Variants in RALGAPA1 observed in about 807,000 individuals in gnomAD.
RALGAPA1 encodes ral GTPase-activating protein subunit alpha-1.
In RALGAPA1, 52 loss-of-function variants were observed where a neutral mutation model predicts 269.6. The observed-to-expected ratio is 0.19, with a 90% CI of 0.15 to 0.24. The LOEUF is 0.24. Ranked by LOEUF, RALGAPA1 falls within the 10% of genes least tolerant of loss-of-function variation. The probability of loss-of-function intolerance (pLI) is 1.00; values close to 1 mark genes in which losing one functional copy is unlikely to be tolerated. For synonymous variants in RALGAPA1, 817 were observed against 1,008.3 expected, an observed-to-expected ratio of 0.81 and a Z score of 3.60; for missense variants, 1,917 against 3,013.9, an observed-to-expected ratio of 0.64 and a Z score of 8.52.
chr14:35,545,790 A>G (rs780691595), intron 41 of RALGAPA1, among the ~76,000 whole-genome samples: 84 of 152,216 alleles, frequency 5.5e-4, no homozygotes, highest in Admixed American at 3.7e-3. Context: ...ATAAAAAAAG[A>G]TAATATTGAA....
At chr14:35,805,142 G>A (rs903334257) in intron 1 of RALGAPA1, among the ~76,000 whole-genome samples, 5 of 151,288 alleles carry the variant, frequency 3.3e-5, no homozygotes, top group Admixed American at 6.6e-5. Flanking sequence ...AAAAAAAAAA[G>A]GCGGGGCGCC....
chr14:35,606,466 T>G (rs951151303), intron 35 of RALGAPA1, among the ~76,000 whole-genome samples: 3 of 152,190 alleles, frequency 2.0e-5, no homozygotes, highest in Non-Finnish European at 4.4e-5. Flanking sequence ...CTTATGAGAC[T>G]ACTGTCATAT....
chr14:35,615,216 A>G (rs1594821818), intron 35 of RALGAPA1, among the ~76,000 whole-genome samples: 1 of 152,172 alleles, frequency 6.6e-6, no homozygotes, highest in African/African-American at 2.4e-5. Flanking sequence ...TGGAAAACTC[A>G]AAGTGACATC....
intron 16 of RALGAPA1, among the ~76,000 whole-genome samples, chr14:35,717,163 T>A (rs1320555609): frequency 1.3e-5 from 2 of 152,236 alleles, no homozygotes; most frequent in African/African-American, 4.8e-5. Flanking sequence ...TATACCATTT[T>A]TTTTGAGACG....
chr14:35,638,544 C>CAGGA (rs1354687762), intron 31 of RALGAPA1, among the ~76,000 whole-genome samples: 2 of 151,434 alleles, frequency 1.3e-5, no homozygotes, highest in Admixed American at 1.3e-4. Context: ...AAAAGGAAAA[C>CAGGA]AGGAAGGAAG....
At chr14:35,697,355 G>GT (rs869139026) in intron 17 of RALGAPA1, among the ~76,000 whole-genome samples, 127 of 139,628 alleles carry the variant, frequency 9.1e-4, no homozygotes, top group Middle Eastern at 3.6e-3. Context: ...GTTTTGTTTT[G>GT]TTTTTTTTTG....
intron 31 of RALGAPA1, among the ~76,000 whole-genome samples, chr14:35,650,746 G>C (rs1034367961): frequency 1.3e-5 from 2 of 152,098 alleles, no homozygotes; most frequent in African/African-American, 4.8e-5. Flanking sequence ...ATGGTTAAGG[G>C]GAGACCTGGA....
rs2057294677 is a variant in RALGAPA1 at position 35,572,619 on chromosome 14, T to C, written c.7309A>G (p.Ile2437Val). ...TGATTTTTCATTGGATATATTACAA[T>C]AAGGACATCACCAAATTCTGTGGGA... ...IIPTEFGDVLIVIYPMKNHMF... is the reference protein window; with the variant it reads ...IIPTEFGDVLVVIYPMKNHMF... The change falls in exon 38 of 42, where the codon ATT becomes GTT. Residue 2437 changes from isoleucine (I) to valine (V), a missense_variant. Around this residue, in one of 11 missense-constraint regions of RALGAPA1, gnomAD observed 91 missense variants for 130.9 expected, o/e 0.70. Coordinates refer to ENST00000680220, the MANE Select transcript of RALGAPA1 (RefSeq NM_001346249.2). 1 of 1,611,170 alleles carries C rather than the reference T, an allele frequency of 6.2e-7. No homozygotes were observed. The highest frequency in any genetic ancestry group is 8.5e-7 in the Non-Finnish European group (1 of 1,178,502).
intron 26 of RALGAPA1, among the ~76,000 whole-genome samples, chr14:35,666,761 G>A (rs1566956356): frequency 6.6e-6 from 1 of 152,100 alleles, no homozygotes; most frequent in Admixed American, 6.5e-5. Context: ...AAATGGATTA[G>A]TTACATAAAA....
intron 1 of RALGAPA1, among the ~76,000 whole-genome samples, chr14:35,777,388 G>T (rs575895414): frequency 1.1e-4 from 17 of 152,150 alleles, no homozygotes; most frequent in Admixed American, 2.6e-4. Context: ...AAACAACTAG[G>T]CAGCGTTACC....
intron 4 of RALGAPA1, among the ~76,000 whole-genome samples, chr14:35,768,012 C>A (rs1452534543): frequency 1.3e-5 from 2 of 152,080 alleles, no homozygotes; most frequent in Non-Finnish European, 2.9e-5. Context: ...CATGCTCAAG[C>A]GATCCACCTG....
intron 34 of RALGAPA1, among the ~76,000 whole-genome samples, 163 bp downstream of exon 34, chr14:35,626,927 T>C (rs145123599): frequency 1.2e-4 from 18 of 150,208 alleles, no homozygotes; most frequent in Non-Finnish European, 2.7e-4. Context: ...TGAATCCCAA[T>C]ATAACTCAGT....
intron 8 of RALGAPA1, among the ~76,000 whole-genome samples, chr14:35,751,793 A>G (rs2072719219): frequency 7.1e-6 from 1 of 141,134 alleles, no homozygotes; most frequent in Non-Finnish European, 1.6e-5. Flanking sequence ...CTTAAAAAAA[A>G]CAACAACAAC....
At chr14:35,599,642 G>A (rs996688331) in intron 36 of RALGAPA1, among the ~76,000 whole-genome samples, 2 of 152,066 alleles carry the variant, frequency 1.3e-5, no homozygotes, top group Non-Finnish European at 2.9e-5. Flanking sequence ...CAGCTTCGTC[G>A]GGAGGCTGAG....
chr14:35,710,761 T>C (rs1300352713), intron 16 of RALGAPA1, among the ~76,000 whole-genome samples: 1 of 152,226 alleles, frequency 6.6e-6, no homozygotes, highest in African/African-American at 2.4e-5. Flanking sequence ...GGGATTATAA[T>C]ACTTTATTTT....
At chr14:35,754,182 T>G (rs1487612250) in intron 7 of RALGAPA1, among the ~76,000 whole-genome samples, 1 of 152,154 alleles carries the variant, frequency 6.6e-6, no homozygotes, top group Non-Finnish European at 1.5e-5. Context: ...TTTGTGACAT[T>G]TGATTAGGCA....
At chr14:35,684,043 G>C (rs1008003517) in intron 20 of RALGAPA1, 58 bp from the exon 21 acceptor site, 2 of 1,406,920 alleles carry the variant, frequency 1.4e-6, no homozygotes, top group Admixed American at 1.9e-5. Flanking sequence ...AAATATTTAC[G>C]AGAGCTAAAT....
intron 1 of RALGAPA1, among the ~76,000 whole-genome samples, chr14:35,780,990 T>A (rs1027642933): frequency 2.0e-5 from 3 of 151,172 alleles, no homozygotes; most frequent in African/African-American, 7.3e-5. Flanking sequence ...AGCAAACTAA[T>A]CCTAAAGCAC....
At chr14:35,676,005 A>AG (rs1490279931) in intron 22 of RALGAPA1, among the ~76,000 whole-genome samples, 2 of 152,138 alleles carry the variant, frequency 1.3e-5, no homozygotes, top group Non-Finnish European at 2.9e-5. Context: ...CTCCATTACA[A>AG]GAAAAAAAAA....
Sources: gnomAD v4.1 joint callset for allele counts (sites outside exome capture counted in the v4.1 genomes callset) on GRCh38, gnomAD v4.1.1 for gene constraint, gnomAD v4.1.1 regional missense constraint, MANE v1.5 for transcripts, NCBI Gene and HGNC (gene_info 2026-07-23, HGNC 2026-07-21) for gene names.